Variants in ACVR1 observed in about 807,000 individuals in gnomAD.
The protein encoded by ACVR1 is activin A receptor type 1.
In ACVR1, 38 loss-of-function variants were observed where a neutral mutation model predicts 57.1. The observed-to-expected ratio is 0.67, with a 90% confidence interval of 0.51 to 0.87. ACVR1 has a LOEUF of 0.87. Among genes scored for constraint, ACVR1 ranks in the 40% least tolerant of loss-of-function variants. The pLI, the probability that ACVR1 is intolerant of heterozygous loss-of-function variation, is 0.00. For missense variants in ACVR1, 463 were observed against 638.2 expected (o/e 0.73, Z 2.96); for synonymous variants, 212 against 228.1 (o/e 0.93, Z 0.63).
At position 157,805,826 on chromosome 2, in the gene ACVR1, T is replaced by C. The variant is rs530667711; in HGVS notation, c.-7-6326A>G. On this transcript the variant is annotated intron_variant, in intron 2 of 10. Transcript: ENST00000434821. ...GGTTTTTTTTTTCTTTTTTCTTTTTTTTTTTTTTTTTTTTTGAGACGAGGT... is the reference window on the plus strand; with the variant it reads ...GGTTTTTTTTTTCTTTTTTCTTTTTCTTTTTTTTTTTTTTTGAGACGAGGT... Among the ~76,000 whole-genome samples, 204 of 140,016 alleles carry C rather than the reference T, an allele frequency of 1.5e-3. 1 individual carries two copies. Among genetic ancestry groups the C allele is most frequent in the African/African-American group, 5.0e-3 (190 of 37,954 alleles). 91.9% of individuals were successfully genotyped at this position (140,016 alleles called of 152,430 possible). A position where few individuals can be genotyped will look rare whatever the true frequency, so the allele number is the denominator to read the frequency against.
Position 157,737,439 on chromosome 2 carries a change from G to A in ACVR1, c.*92C>T, listed in dbSNP as rs1684576375. On this transcript the variant is annotated 3_prime_UTR_variant, in exon 11 of 11. Coordinates refer to ENST00000434821, the MANE Select transcript of ACVR1 (RefSeq NM_001111067.4). ...AGCCATTTGGGGAGGGAGACAGATG[G>A]ATTCCATTCTGACAACCAGTCAGGC... 1 of 1,510,060 alleles carries A rather than the reference G, an allele frequency of 6.6e-7. No individual in the cohort carries two copies. Among genetic ancestry groups the A allele is most frequent in the African/African-American group, 1.4e-5 (1 of 72,472 alleles). The allele number at this position is 1,510,060 out of a possible 1,614,324, so 93.5% of individuals were successfully genotyped here.
At chr2:157,784,964 C>T (rs1028693629) in intron 3 of ACVR1, among the ~76,000 whole-genome samples, 2 of 152,240 alleles carry the variant, frequency 1.3e-5, no homozygotes, top group East Asian at 3.8e-4. Context: ...CTTTAGCAAT[C>T]ACAACACTGT....
intron 1 of ACVR1, among the ~76,000 whole-genome samples, chr2:157,850,141 GC>G (rs773204881): frequency 2.4e-4 from 37 of 152,178 alleles, no homozygotes; most frequent in Non-Finnish European, 3.1e-4. Context: ...TGTAATCCCA[GC>G]ACTTTAGGAG....
At chr2:157,765,830 G>C (rs1685841801) in intron 8 of ACVR1, 91 bp downstream of exon 8, 1 of 1,345,942 alleles carries the variant, frequency 7.4e-7, no homozygotes, top group African/African-American at 1.5e-5. Context: ...TTGAAATTTT[G>C]CATAACATGT....
chr2:157,858,232 T>C (rs933005483), intron 1 of ACVR1, among the ~76,000 whole-genome samples: 2 of 152,114 alleles, frequency 1.3e-5, no homozygotes, highest in Non-Finnish European at 2.9e-5. Context: ...TCTATGGCGA[T>C]AGGAGCCTCT....
At chr2:157,874,088 A>C (rs1331144059) in intron 1 of ACVR1, among the ~76,000 whole-genome samples, 1 of 152,222 alleles carries the variant, frequency 6.6e-6, no homozygotes, top group African/African-American at 2.4e-5. Context: ...CTGGAAAAGG[A>C]GGGCATGAAC....
intron 1 of ACVR1, among the ~76,000 whole-genome samples, chr2:157,846,927 G>C (rs951306027): frequency 6.6e-6 from 1 of 152,186 alleles, no homozygotes; most frequent in Non-Finnish European, 1.5e-5. Flanking sequence ...ACTGAGAATA[G>C]CAGTTATATT....
rs565668448 is a variant in ACVR1 at position 157,825,883 on chromosome 2, C to A, written c.-182-7324G>T. On this transcript the variant is annotated intron_variant, in intron 1 of 10. Transcript: ENST00000434821. Reference sequence around the variant, plus strand: ...ATGGCCACTTCTTCCATTCCCCCAACACACGACTCCCTAAACAGAATCAGA... The same window carrying A: ...ATGGCCACTTCTTCCATTCCCCCAAAACACGACTCCCTAAACAGAATCAGA... Among the ~76,000 whole-genome samples the A allele has an allele frequency of 7.9e-5, 12 of 152,306 alleles. 1 individual carries two copies. Among genetic ancestry groups the A allele is most frequent in the African/African-American group, 2.9e-4 (12 of 41,578 alleles).
At chr2:157,750,625 T>C (rs1016212229) in intron 9 of ACVR1, among the ~76,000 whole-genome samples, 3 of 151,398 alleles carry the variant, frequency 2.0e-5, no homozygotes, top group Non-Finnish European at 4.4e-5. Context: ...AACCATAAAA[T>C]TGGGAGAAAC....
At chr2:157,833,393 G>A (rs1005822732) in intron 1 of ACVR1, among the ~76,000 whole-genome samples, 1 of 152,186 alleles carries the variant, frequency 6.6e-6, no homozygotes, top group Non-Finnish European at 1.5e-5. Flanking sequence ...TACATTAAAA[G>A]TGCCTAAGAG....
intron 4 of ACVR1, among the ~76,000 whole-genome samples, chr2:157,778,959 C>G (rs1686403244): frequency 6.6e-6 from 1 of 152,204 alleles, no homozygotes; most frequent in Non-Finnish European, 1.5e-5. Flanking sequence ...TTCCATATTA[C>G]TGGTCTCTTC....
At chr2:157,850,913 C>T (rs539891981) in intron 1 of ACVR1, among the ~76,000 whole-genome samples, 106 of 152,126 alleles carry the variant, frequency 7.0e-4, no homozygotes, top group African/African-American at 1.1e-3. Context: ...GTCGAGATCG[C>T]GCCACTGCAC....
chr2:157,777,736 G>C (rs2105277197), intron 5 of ACVR1, among the ~76,000 whole-genome samples: 1 of 152,210 alleles, frequency 6.6e-6, no homozygotes, highest in Non-Finnish European at 1.5e-5. Context: ...ATCTAGAAAG[G>C]AAATTAATAT....
chr2:157,798,530 TG>T (rs1422143755), intron 3 of ACVR1, among the ~76,000 whole-genome samples: 2 of 101,786 alleles, frequency 2.0e-5, no homozygotes, highest in African/African-American at 4.1e-5. Context: ...TTGGAGGGGG[TG>T]GGGGGTGGGG....
At chr2:157,807,512 C>T (rs958255630) in intron 2 of ACVR1, among the ~76,000 whole-genome samples, 1 of 152,020 alleles carries the variant, frequency 6.6e-6, no homozygotes, top group African/African-American at 2.4e-5. Context: ...CATTCTCCAA[C>T]GCAGCTCACA....
chr2:157,779,207 C>G (rs1686412030), intron 4 of ACVR1, among the ~76,000 whole-genome samples: 1 of 152,188 alleles, frequency 6.6e-6, no homozygotes, highest in Admixed American at 6.5e-5. Context: ...GCAGAGTGAT[C>G]TGCAGATTAG....
At chr2:157,851,010 TCTTAA>T (rs1409295979) in intron 1 of ACVR1, among the ~76,000 whole-genome samples, 4 of 152,174 alleles carry the variant, frequency 2.6e-5, no homozygotes, top group African/African-American at 9.7e-5. Context: ...AACAGATCCA[TCTTAA>T]CTTAACAGAT....
At chr2:157,860,482 G>A (rs1689682727) in intron 1 of ACVR1, among the ~76,000 whole-genome samples, 1 of 152,180 alleles carries the variant, frequency 6.6e-6, no homozygotes, top group African/African-American at 2.4e-5. Flanking sequence ...ACACCCTAGG[G>A]ATATTCCAGG....
chr2:157,846,809 G>T (rs1012989417), intron 1 of ACVR1, among the ~76,000 whole-genome samples: 1 of 152,006 alleles, frequency 6.6e-6, no homozygotes, highest in Non-Finnish European at 1.5e-5. Context: ...ACACATAAAA[G>T]AAAAAAGAAA....
Sources: allele counts gnomAD v4.1 joint callset (sites outside exome capture counted in the v4.1 genomes callset), GRCh38; gene constraint gnomAD v4.1.1; transcripts MANE v1.5; gene names NCBI Gene and HGNC (gene_info 2026-07-23, HGNC 2026-07-21).